NKAIN3: variants seen among roughly 807,000 people sequenced by gnomAD.
NKAIN3 encodes the protein sodium/potassium-transporting ATPase subunit beta-1-interacting protein 3.
In NKAIN3, 25 loss-of-function variants were observed where a neutral mutation model predicts 30.2. The ratio of observed to expected loss-of-function variants is 0.83; its 90% CI spans 0.60 to 1.16. NKAIN3 has a LOEUF of 1.16. NKAIN3 is among the 50% of genes most tolerant of loss of function. The pLI is 0.00. For missense variants in NKAIN3, 225 were observed against 254.1 expected (o/e 0.89, Z 0.78); for synonymous variants, 91 against 89.6 (o/e 1.02, Z -0.09).
chr8:62,528,341 A>ATATAT (rs1491192289), intron 1 of NKAIN3, among the ~76,000 whole-genome samples: 5,321 of 36,908 alleles, frequency 0.14, 361 homozygotes, highest in African/African-American at 0.32. Flanking sequence ...ATATTATATA[A>ATATAT]TATATATATA....
intron 1 of NKAIN3, among the ~76,000 whole-genome samples, chr8:62,274,930 AT>A (rs1227475665): frequency 4.0e-4 from 61 of 152,156 alleles, no homozygotes; most frequent in African/African-American, 1.3e-3. Flanking sequence ...TGAACTCATC[AT>A]TTTTTATGGC....
intron 3 of NKAIN3, among the ~76,000 whole-genome samples, chr8:62,676,870 T>C (rs145788275): frequency 9.5e-4 from 145 of 152,122 alleles, no homozygotes; most frequent in African/African-American, 3.2e-3. Flanking sequence ...TGCATCACCA[T>C]GCCAAGCTAA....
At chr8:62,324,260 G>A (rs973509424) in intron 1 of NKAIN3, among the ~76,000 whole-genome samples, 2 of 151,998 alleles carry the variant, frequency 1.3e-5, no homozygotes, top group African/African-American at 2.4e-5. Flanking sequence ...TCATATTTCT[G>A]TAAATGTAAA....
intron 3 of NKAIN3, among the ~76,000 whole-genome samples, chr8:62,736,252 C>T (rs992479531): frequency 6.6e-6 from 1 of 152,112 alleles, no homozygotes; most frequent in Non-Finnish European, 1.5e-5. Context: ...CAGAGGATTA[C>T]GTCCTTTGTC....
chr8:62,443,050 CCTT>C (rs957645537), intron 1 of NKAIN3, among the ~76,000 whole-genome samples: 2 of 151,864 alleles, frequency 1.3e-5, no homozygotes, highest in African/African-American at 4.8e-5. Flanking sequence ...TGTCTTTTCT[CCTT>C]GTCTGATATA....
At chr8:62,506,747 A>G (rs1807658483) in intron 1 of NKAIN3, among the ~76,000 whole-genome samples, 1 of 152,050 alleles carries the variant, frequency 6.6e-6, no homozygotes, top group South Asian at 2.1e-4. Context: ...TGCTGGGATT[A>G]CAGGCATGAG....
chr8:62,956,009 T>C (rs765871292), intron 6 of NKAIN3, among the ~76,000 whole-genome samples: 2 of 152,292 alleles, frequency 1.3e-5, no homozygotes, highest in South Asian at 2.1e-4. Flanking sequence ...CTTTCAACCA[T>C]GAAGGAAGCA....
rs111552653 is a variant in NKAIN3, at chr8:62,452,390, C to G, written c.55-127149C>G. 8.6e-3 allele frequency among the ~76,000 whole-genome samples: 1,307 copies of G among 152,178 alleles called. 8 individuals are homozygous for G. The highest frequency in any genetic ancestry group is 0.029 in the African/African-American group (1,218 of 41,516). The stretch of plus-strand genomic sequence containing the variant: ...ACTCAGGAGGCTGAGGCAGGAGAAT[C>G]ACTTGAATCTGGGAGGCGGAGGATG... On this transcript the variant is annotated intron_variant, in intron 1 of 6. Coordinates refer to ENST00000623646, the MANE Select transcript of NKAIN3 (RefSeq NM_001304533.3).
chr8:62,376,025 A>G (rs1817070778), intron 1 of NKAIN3, among the ~76,000 whole-genome samples: 1 of 152,208 alleles, frequency 6.6e-6, no homozygotes, highest in African/African-American at 2.4e-5. Flanking sequence ...TCTCTCTCCT[A>G]ATGGTGCTCA....
At chr8:62,913,928 G>A (rs1046192198) in intron 4 of NKAIN3, among the ~76,000 whole-genome samples, 10 of 152,070 alleles carry the variant, frequency 6.6e-5, no homozygotes, top group Admixed American at 4.6e-4. Context: ...CGTGAAAATC[G>A]GCGTGGCAAT....
chr8:62,499,118 A>G (rs1807334830), intron 1 of NKAIN3, among the ~76,000 whole-genome samples: 1 of 152,092 alleles, frequency 6.6e-6, no homozygotes, highest in Admixed American at 6.6e-5. Flanking sequence ...GTGCCATGTG[A>G]TTGGTCTACA....
At chr8:62,566,696 G>A (rs1450983345) in intron 1 of NKAIN3, among the ~76,000 whole-genome samples, 1 of 152,014 alleles carries the variant, frequency 6.6e-6, no homozygotes, top group Non-Finnish European at 1.5e-5. Flanking sequence ...CTGGACTCCA[G>A]AGACACCAGC....
At chr8:62,986,867 G>A (rs1824209824), downstream of NKAIN3, among the ~76,000 whole-genome samples, 2 of 152,120 alleles carry the variant, frequency 1.3e-5, no homozygotes, top group African/African-American at 4.8e-5. Flanking sequence ...TTCTCATCTT[G>A]GTATATAAAC....
chr8:62,673,423 T>C (rs1305138350), intron 3 of NKAIN3, among the ~76,000 whole-genome samples: 6 of 152,192 alleles, frequency 3.9e-5, no homozygotes, highest in Non-Finnish European at 8.8e-5. Context: ...AAACCAAGGG[T>C]ACAATCTTTA....
At chr8:62,886,140 G>A (rs1257411496) in intron 4 of NKAIN3, among the ~76,000 whole-genome samples, 3 of 151,422 alleles carry the variant, frequency 2.0e-5, no homozygotes, top group African/African-American at 4.9e-5. Flanking sequence ...TTTCTTATCA[G>A]ATCAATTATA....
rs1237339800 is a variant in NKAIN3, at chr8:62,328,086, T to C, written c.54+78959T>C. On this transcript the variant is annotated intron_variant, in intron 1 of 6. Transcript: ENST00000623646. ...ATACTGATCCATATATTATGCCAAC[T>C]TATTCCATTTATAGACTGAAAAATG... 2.0e-5 allele frequency among the ~76,000 whole-genome samples: 3 copies of C among 152,124 alleles called. No individual in the cohort carries two copies. In the East Asian group the frequency reaches 5.8e-4, roughly 29 times the overall value.
chr8:62,579,589 G>T lies in NKAIN3; in HGVS notation c.105G>T (p.Ala35=), dbSNP rs372067746. The T allele has an allele frequency of 1.2e-6, 2 of 1,610,380 alleles. No individual in the cohort carries two copies. The highest frequency in any genetic ancestry group is 1.7e-6 in the Non-Finnish European group (2 of 1,177,478). Residue 35 remains alanine, a synonymous_variant, in exon 2 of 7, where the codon GCG becomes GCT. Transcript: ENST00000623646. The part of the protein sequence containing the change: ...QIFDFLGFQW[A]PILGNFLHII... ...TTGACTTCCTTGGTTTCCAGTGGGCGCCTATTCTTGGAAATTTTCTACACA... is the reference window on the plus strand; with the variant it reads ...TTGACTTCCTTGGTTTCCAGTGGGCTCCTATTCTTGGAAATTTTCTACACA...
At position 62,344,818 on chromosome 8, in the gene NKAIN3, A is replaced by T. The variant is rs1240181119; in HGVS notation, c.54+95691A>T. ...TTTTGTAGTTCCATATGAATTTTAA[A>T]TTTTTTTCTTTCTGTGTCTGTGAAG... On this transcript the variant is annotated intron_variant, in intron 1 of 6. Coordinates refer to ENST00000623646, the MANE Select transcript of NKAIN3 (RefSeq NM_001304533.3). The T allele has an allele frequency of 2.3e-5, 10 of 426,190 alleles. 1 individual carries two copies. The Admixed American group carries it at 2.6e-4, about 11-fold the overall frequency. The allele number at this position is 426,190 out of a possible 1,614,324, so 26.4% of individuals were successfully genotyped here.
intron 4 of NKAIN3, among the ~76,000 whole-genome samples, chr8:62,815,663 T>C (rs1818653277): frequency 6.6e-6 from 1 of 152,110 alleles, no homozygotes; most frequent in Non-Finnish European, 1.5e-5. Context: ...TTTGACAACA[T>C]TCAAAAACCT....
Sources: gnomAD v4.1 joint callset for allele counts (sites outside exome capture counted in the v4.1 genomes callset) on GRCh38, gnomAD v4.1.1 for gene constraint, MANE v1.5 for transcripts, NCBI Gene and HGNC (gene_info 2026-07-23, HGNC 2026-07-21) for gene names.